Variants in ARHGAP18 observed in about 807,000 individuals in gnomAD.
ARHGAP18 encodes the protein rho GTPase-activating protein 18.
ARHGAP18 carries 67 observed loss-of-function variants against 86.2 expected under a neutral mutation model. The ratio of observed to expected loss-of-function variants is 0.78; its 90% confidence interval spans 0.64 to 0.95. The LOEUF is 0.95. Ranked by LOEUF, ARHGAP18 falls within the 40% of genes least tolerant of loss-of-function variation. The pLI, the probability that ARHGAP18 is intolerant of heterozygous loss-of-function variation, is 0.00. For synonymous variants in ARHGAP18, 283 were observed against 280.4 expected (o/e 1.01, Z -0.09); for missense variants, 691 against 780.4 (o/e 0.89, Z 1.37).
At chr6:129,683,814 T>C (rs556877312) in intron 1 of ARHGAP18, among the ~76,000 whole-genome samples, 1 of 152,016 alleles carries the variant, frequency 6.6e-6, no homozygotes, top group African/African-American at 2.4e-5. Flanking sequence ...CCATCAAGAA[T>C]CATAAAATGA....
intron 1 of ARHGAP18, among the ~76,000 whole-genome samples, chr6:129,672,538 T>C (rs965200344): frequency 6.6e-6 from 1 of 150,868 alleles, no homozygotes; most frequent in African/African-American, 2.4e-5. Flanking sequence ...TTAAGTTCCA[T>C]ATCTACACAG....
intron 1 of ARHGAP18, among the ~76,000 whole-genome samples, chr6:129,648,714 T>C (rs925806423): frequency 2.0e-5 from 3 of 147,088 alleles, no homozygotes; most frequent in Non-Finnish European, 4.4e-5. Flanking sequence ...TACTGTGTCT[T>C]TACATTATCT....
At chr6:129,625,914 TATTATAG>T (rs1443590716) in intron 5 of ARHGAP18, among the ~76,000 whole-genome samples, 3 of 100,590 alleles carry the variant, frequency 3.0e-5, no homozygotes, top group African/African-American at 4.2e-5. Context: ...ATATATTATA[TATTATAG>T]ATATTTATAT....
chr6:129,657,787 T>C (rs564891928), intron 1 of ARHGAP18, among the ~76,000 whole-genome samples: 6 of 152,368 alleles, frequency 3.9e-5, no homozygotes, highest in Admixed American at 3.9e-4. Context: ...TTTTGCATAA[T>C]TCATTATGCC....
At chr6:129,665,189 C>T (rs947447980) in intron 1 of ARHGAP18, among the ~76,000 whole-genome samples, 1 of 152,168 alleles carries the variant, frequency 6.6e-6, no homozygotes, top group African/African-American at 2.4e-5. Context: ...CAAAGTAGAA[C>T]AAGGGTTTAA....
intron 5 of ARHGAP18, among the ~76,000 whole-genome samples, chr6:129,625,877 T>C (rs1789440281): frequency 2.2e-5 from 2 of 91,532 alleles, no homozygotes; most frequent in Non-Finnish European, 4.0e-5. Flanking sequence ...ATATATTATA[T>C]ATTTATATAT....
intron 1 of ARHGAP18, among the ~76,000 whole-genome samples, chr6:129,647,069 A>G (rs1248034755): frequency 2.0e-5 from 3 of 152,134 alleles, no homozygotes; most frequent in Non-Finnish European, 2.9e-5. Flanking sequence ...TCTTTTCACA[A>G]AAACTGGGAC....
intron 12 of ARHGAP18, among the ~76,000 whole-genome samples, chr6:129,587,484 C>A (rs1338497721): frequency 6.6e-6 from 1 of 152,094 alleles, no homozygotes; most frequent in Non-Finnish European, 1.5e-5. Context: ...AAGAAATACC[C>A]AAGACTAGGT....
chr6:129,626,105 C>CACACACAT (rs1425322925), intron 5 of ARHGAP18, among the ~76,000 whole-genome samples: 36 of 124,918 alleles, frequency 2.9e-4, no homozygotes, highest in African/African-American at 4.3e-4. Context: ...CACACACACA[C>CACACACAT]ATATATAGAA....
chr6:129,607,866 A>T, intron 9 of ARHGAP18, 27 bp downstream of exon 9: 1 of 1,557,116 alleles, frequency 6.4e-7, no homozygotes, highest in East Asian at 2.3e-5. Context: ...CAGCAGAAGG[A>T]CTGCTTCAAA....
chr6:129,591,131 C>T (rs1788503645), intron 12 of ARHGAP18, among the ~76,000 whole-genome samples: 1 of 152,176 alleles, frequency 6.6e-6, no homozygotes, highest in South Asian at 2.1e-4. Context: ...GTACTAGAAT[C>T]ATGCTGTATC....
At chr6:129,612,190 T>C (rs967258675) in intron 7 of ARHGAP18, among the ~76,000 whole-genome samples, 8 of 152,322 alleles carry the variant, frequency 5.3e-5, no homozygotes, top group African/African-American at 1.9e-4. Context: ...TTTTTGTTTT[T>C]GTTTTTTAAA....
intron 1 of ARHGAP18, among the ~76,000 whole-genome samples, chr6:129,654,029 C>CT: frequency 6.6e-6 from 1 of 152,150 alleles, no homozygotes; most frequent in Non-Finnish European, 1.5e-5. Flanking sequence ...GGTGACAGAG[C>CT]GAGACCCTGT....
rs1297912393 is a variant in ARHGAP18 at position 129,625,775 on chromosome 6, TTA to T, written c.786+3576_786+3577del. 6.0e-3 allele frequency among the ~76,000 whole-genome samples: 394 copies of T among 65,792 alleles called. 34 individuals are homozygous for T. The highest frequency in any genetic ancestry group is 0.029 in the East Asian group (50 of 1,736). 43.2% of individuals were successfully genotyped at this position (65,792 alleles called of 152,430 possible). ...TTATATATTTATATATTATATATAT[TTA>T]TATATATAATATATATTTTTATATT... On this transcript the variant is annotated intron_variant, in intron 5 of 14. Transcript: ENST00000368149.
chr6:129,579,883 A>G (rs1210637996), intron 14 of ARHGAP18, among the ~76,000 whole-genome samples, 187 bp downstream of exon 14: 1 of 152,172 alleles, frequency 6.6e-6, no homozygotes, highest in Non-Finnish European at 1.5e-5. Flanking sequence ...GGGCATTTGT[A>G]CAGGCGCTCA....
chr6:129,608,655 CTAGT>C (rs1457649242), intron 8 of ARHGAP18, among the ~76,000 whole-genome samples: 1 of 152,144 alleles, frequency 6.6e-6, no homozygotes, highest in Non-Finnish European at 1.5e-5. Flanking sequence ...TTAGAAATAT[CTAGT>C]TCACTTACCT....
chr6:129,578,107 T>C lies in ARHGAP18; in HGVS notation c.*406A>G, dbSNP rs1384568272. The C allele has an allele frequency of 6.6e-6, 1 of 151,958 alleles. No homozygotes were observed. Among genetic ancestry groups the C allele is most frequent in the Non-Finnish European group, 1.5e-5 (1 of 67,988 alleles). The allele number at this position is 151,958 out of a possible 1,614,324, so 9.4% of individuals were successfully genotyped here. ...TTTTTGGTCAAAAAGCAAACCTAAC[T>C]GGGAAAGGGTAGATGTGAGGAGGTA... On this transcript the variant is annotated 3_prime_UTR_variant, in exon 15 of 15. Coordinates refer to ENST00000368149, the MANE Select transcript of ARHGAP18 (RefSeq NM_033515.3).
At chr6:129,591,459 CT>C (rs1431956348) in intron 12 of ARHGAP18, among the ~76,000 whole-genome samples, 1 of 152,136 alleles carries the variant, frequency 6.6e-6, no homozygotes, top group Non-Finnish European at 1.5e-5. Flanking sequence ...GATTTTACAA[CT>C]TCAAGAGTGT....
At chr6:129,699,990 G>A (rs973632365) in intron 1 of ARHGAP18, among the ~76,000 whole-genome samples, 1 of 152,120 alleles carries the variant, frequency 6.6e-6, no homozygotes, top group Non-Finnish European at 1.5e-5. Flanking sequence ...TCAAATTTTT[G>A]TACTAAATGG....
Sources: allele counts gnomAD v4.1 joint callset (sites outside exome capture counted in the v4.1 genomes callset), GRCh38; gene constraint gnomAD v4.1.1; transcripts MANE v1.5; gene names NCBI Gene and HGNC (gene_info 2026-07-23, HGNC 2026-07-21).